GRM7: variants seen among roughly 807,000 people sequenced by gnomAD.
The protein encoded by GRM7 is metabotropic glutamate receptor 7.
A neutral mutation model predicts 84.5 loss-of-function variants in GRM7; 35 were observed. The observed-to-expected ratio is 0.41, with a 90% confidence interval of 0.32 to 0.55. The LOEUF is 0.55. GRM7 is among the 20% of genes least tolerant of loss of function. The probability of loss-of-function intolerance (pLI) is 0.19; values close to 1 mark genes in which losing one functional copy is unlikely to be tolerated. For missense variants in GRM7, 1,003 were observed against 1,194.6 expected (o/e 0.84, Z 2.36); for synonymous variants, 487 against 455.1 (o/e 1.07, Z -0.89).
At chr3:7,315,925 A>G (rs539541661) in intron 4 of GRM7, among the ~76,000 whole-genome samples, 1 of 152,280 alleles carries the variant, frequency 6.6e-6, no homozygotes, top group African/African-American at 2.4e-5. Context: ...GACAAGTGCT[A>G]TAAAGTAAGA....
chr3:7,488,868 T>TATTTA, intron 7 of GRM7, among the ~76,000 whole-genome samples: 1 of 151,724 alleles, frequency 6.6e-6, no homozygotes, highest in Non-Finnish European at 1.5e-5. Flanking sequence ...CTTATTTATT[T>TATTTA]ATTTATTTAT....
intron 2 of GRM7, among the ~76,000 whole-genome samples, chr3:7,293,522 A>G (rs2125014077): frequency 6.6e-6 from 1 of 152,148 alleles, no homozygotes; most frequent in East Asian, 1.9e-4. Flanking sequence ...CAGTTGCCAC[A>G]TTTACGATGA....
At chr3:7,102,919 G>A (rs1699164208) in intron 1 of GRM7, among the ~76,000 whole-genome samples, 2 of 151,282 alleles carry the variant, frequency 1.3e-5, no homozygotes, top group African/African-American at 4.8e-5. Flanking sequence ...CTTTTATATA[G>A]TTTTATCTGC....
At chr3:7,063,405 C>T (rs752983577) in intron 1 of GRM7, among the ~76,000 whole-genome samples, 5 of 151,774 alleles carry the variant, frequency 3.3e-5, no homozygotes, top group Non-Finnish European at 5.9e-5. Flanking sequence ...GCAGGTGAAG[C>T]TGGGGTTAGA....
At chr3:7,416,502 A>G (rs1217583839) in intron 5 of GRM7, among the ~76,000 whole-genome samples, 2 of 152,140 alleles carry the variant, frequency 1.3e-5, no homozygotes, top group Non-Finnish European at 2.9e-5. Context: ...CTCAACCATC[A>G]TCTGTTAATC....
chr3:7,731,885 T>G (rs568390454), intron 9 of GRM7, among the ~76,000 whole-genome samples: 238 of 152,132 alleles, frequency 1.6e-3, no homozygotes, highest in Middle Eastern at 0.014. Context: ...GGCCCACTAT[T>G]TCATCTCTGT....
intron 1 of GRM7, among the ~76,000 whole-genome samples, chr3:6,964,411 T>A (rs1693428337): frequency 6.6e-6 from 1 of 152,166 alleles, no homozygotes; most frequent in Admixed American, 6.5e-5. Context: ...ATCCCATTCA[T>A]GAGGATTACG....
chr3:6,908,940 C>G (rs1162011498), intron 1 of GRM7, among the ~76,000 whole-genome samples: 1 of 152,044 alleles, frequency 6.6e-6, no homozygotes, highest in Non-Finnish European at 1.5e-5. Context: ...TTTTTTCTCC[C>G]CATTTCTTAG....
intron 8 of GRM7, among the ~76,000 whole-genome samples, chr3:7,601,808 C>T (rs1014863462): frequency 3.3e-5 from 5 of 151,998 alleles, no homozygotes; most frequent in Non-Finnish European, 7.4e-5. Flanking sequence ...AACTCTCAAG[C>T]ATGGGGAAAT....
chr3:7,250,938 T>C (rs1242959476), intron 2 of GRM7, among the ~76,000 whole-genome samples: 2 of 152,148 alleles, frequency 1.3e-5, no homozygotes, highest in Admixed American at 1.3e-4. Flanking sequence ...TTGGATAAGG[T>C]ACTTGATTAT....
At chr3:7,640,959 T>G (rs532505024) in intron 8 of GRM7, among the ~76,000 whole-genome samples, 1 of 152,138 alleles carries the variant, frequency 6.6e-6, no homozygotes, top group Non-Finnish European at 1.5e-5. Flanking sequence ...TCAGTAGAGG[T>G]GTCATAATTA....
At chr3:7,594,003 G>T (rs1387399634) in intron 8 of GRM7, among the ~76,000 whole-genome samples, 1 of 151,836 alleles carries the variant, frequency 6.6e-6, no homozygotes, top group Non-Finnish European at 1.5e-5. Context: ...TACTTTCCTA[G>T]CTTTGGGGAA....
intron 1 of GRM7, among the ~76,000 whole-genome samples, chr3:7,081,128 G>A (rs1698261841): frequency 6.6e-6 from 1 of 151,954 alleles, no homozygotes; most frequent in Non-Finnish European, 1.5e-5. Context: ...GTCCTTGTAG[G>A]ATATAAGTAC....
chr3:6,927,993 G>C (rs112687541), intron 1 of GRM7, among the ~76,000 whole-genome samples: 1 of 152,008 alleles, frequency 6.6e-6, no homozygotes, highest in Non-Finnish European at 1.5e-5. Flanking sequence ...TCACTAGGTC[G>C]CAAATCCACT....
At chr3:7,035,392 A>G (rs765197633) in intron 1 of GRM7, among the ~76,000 whole-genome samples, 3 of 152,214 alleles carry the variant, frequency 2.0e-5, no homozygotes, top group Middle Eastern at 3.4e-3. Context: ...GGAAAGTATA[A>G]AAGGCCCAGG....
At chr3:7,466,883 C>A (rs960489340) in intron 7 of GRM7, among the ~76,000 whole-genome samples, 5 of 152,158 alleles carry the variant, frequency 3.3e-5, no homozygotes, top group African/African-American at 9.7e-5. Context: ...CACTTCACAC[C>A]TATAGACTAA....
intron 7 of GRM7, among the ~76,000 whole-genome samples, chr3:7,499,731 C>A (rs1033945817): frequency 2.6e-5 from 4 of 151,444 alleles, no homozygotes; most frequent in African/African-American, 9.7e-5. Context: ...AGCAGTGATC[C>A]AGCAAAAACC....
rs1420166584 is a variant in GRM7 at position 7,486,566 on chromosome 3, G to C, written c.1515+24844G>C. Among the ~76,000 whole-genome samples, 1 of 152,114 alleles carries C rather than the reference G, an allele frequency of 6.6e-6. No individual in the cohort carries two copies. Among genetic ancestry groups the C allele is most frequent in the Non-Finnish European group, 1.5e-5 (1 of 68,018 alleles). On this transcript the variant is annotated intron_variant, in intron 7 of 9. Transcript: ENST00000357716. This position sits in a 1 kb window ranked among gnomAD's most constrained non-coding sequence, Gnocchi z 5.5. ...AGAAAAGTGGGGTGCTATACAGCAA[G>C]TCTGCCTCACAAGTTTGTTCTCTCT...
At chr3:7,012,355 C>G (rs1453014590) in intron 1 of GRM7, among the ~76,000 whole-genome samples, 1 of 152,126 alleles carries the variant, frequency 6.6e-6, no homozygotes, top group Admixed American at 6.5e-5. Flanking sequence ...TATGTAAAAT[C>G]TTCGCATTTT....
Sources: allele counts gnomAD v4.1 joint callset (sites outside exome capture counted in the v4.1 genomes callset), GRCh38; gene constraint gnomAD v4.1.1; non-coding constraint Gnocchi (gnomAD v3.1); transcripts MANE v1.5; gene names NCBI Gene and HGNC (gene_info 2026-07-23, HGNC 2026-07-21).